Variants in RAX observed in about 807,000 individuals in gnomAD.
The protein encoded by RAX is retina and anterior neural fold homeobox.
In RAX, 11 loss-of-function variants were observed where a neutral mutation model predicts 17.4. The ratio of observed to expected loss-of-function variants is 0.63; its 90% confidence interval spans 0.40 to 1.05. The LOEUF (loss-of-function observed/expected upper bound fraction) is 1.05, where lower values mean the gene tolerates loss of function less well. Among genes scored for constraint, RAX ranks in the 50% least tolerant of loss-of-function variants. RAX has a pLI of 0.00. For synonymous variants in RAX, 276 were observed against 254.7 expected (o/e 1.08, Z -0.80); for missense variants, 527 against 501.1 (o/e 1.05, Z -0.49).
chr18:59,268,607 C>T lies in RAX; in HGVS notation c.*397G>A. The T allele has an allele frequency of 3.3e-6, 1 of 304,688 alleles. No homozygotes were observed. Among genetic ancestry groups the T allele is most frequent in the Non-Finnish European group, 6.1e-6 (1 of 164,622 alleles). 18.9% of individuals were successfully genotyped at this position (304,688 alleles called of 1,614,324 possible). Reference sequence around the variant, plus strand: ...AGTTTCTCAAACTCTATTTTTCCGCCTCCCCTGCTTCCCTGTTATGGTTAT... The same window carrying T: ...AGTTTCTCAAACTCTATTTTTCCGCTTCCCCTGCTTCCCTGTTATGGTTAT... On this transcript the variant is annotated 3_prime_UTR_variant, in exon 3 of 3. Coordinates refer to ENST00000334889, the MANE Select transcript of RAX (RefSeq NM_013435.3). The surrounding 1 kb of genome is among the most constrained non-coding windows in gnomAD (Gnocchi z 4.4).
At position 59,268,900 on chromosome 18, in the gene RAX, G is replaced by T; in HGVS notation, c.*104C>A. ...GCTTGGCGGGTGGCTGCAGGCGACA[G>T]GGAAAGAGGGGCCGAGCTGGGGAGG... On this transcript the variant is annotated 3_prime_UTR_variant, in exon 3 of 3. Transcript: ENST00000334889. This position sits in a 1 kb window ranked among gnomAD's most constrained non-coding sequence, Gnocchi z 4.4. 1 of 1,573,238 alleles carries T rather than the reference G, an allele frequency of 6.4e-7. No individual in the cohort carries two copies. The highest frequency in any genetic ancestry group is 1.3e-5 in the African/African-American group (1 of 74,378).
chr18:59,268,830 C>T lies in RAX; in HGVS notation c.*174G>A. 8.9e-7 allele frequency: 1 copy of T among 1,118,780 alleles called. No individual in the cohort carries two copies. The highest frequency in any genetic ancestry group is 1.3e-6 in the Non-Finnish European group (1 of 791,638). The allele number at this position is 1,118,780 out of a possible 1,614,324, so 69.3% of individuals were successfully genotyped here. Reference sequence around the variant, plus strand: ...GGCCTCTCCTCAGGCCTGAAAGTCGCCCTTCTCCCCGTGCATCGGGAGCAG... The same window carrying T: ...GGCCTCTCCTCAGGCCTGAAAGTCGTCCTTCTCCCCGTGCATCGGGAGCAG... On this transcript the variant is annotated 3_prime_UTR_variant, in exon 3 of 3. Coordinates refer to ENST00000334889, the MANE Select transcript of RAX (RefSeq NM_013435.3). This position sits in a 1 kb window ranked among gnomAD's most constrained non-coding sequence, Gnocchi z 4.4.
At chr18:59,272,669 C>T in intron 1 of RAX, 55 bp from the exon 2 acceptor site, 1 of 1,534,618 alleles carries the variant, frequency 6.5e-7, no homozygotes, top group Non-Finnish European at 8.7e-7. Context: ...ACCCTTGGGC[C>T]GACCCCGCCT....
Position 59,272,964 on chromosome 18 carries a change from G to C in RAX, c.243C>G (p.Ser81=), listed in dbSNP as rs1381495850. The part of the protein sequence containing the change: ...PACPKAPEEG[S]EPSPPPAPAP... Reference sequence around the variant, plus strand: ...CCGGGGCTGGCGGCGGGGAGGGCTCGGAGCCTTCCTCGGGCGCCTTGGGGC... The same window carrying C: ...CCGGGGCTGGCGGCGGGGAGGGCTCCGAGCCTTCCTCGGGCGCCTTGGGGC... Residue 81 remains serine, a synonymous_variant, in exon 1 of 3, where the codon TCC becomes TCG. Transcript: ENST00000334889. 5.9e-6 allele frequency: 9 copies of C among 1,521,196 alleles called. No individual in the cohort carries two copies. Among genetic ancestry groups the C allele is most frequent in the Non-Finnish European group, 7.0e-6 (8 of 1,142,472 alleles). The allele number at this position is 1,521,196 out of a possible 1,614,324, so 94.2% of individuals were successfully genotyped here.
rs1405257565 is a variant in RAX, at chr18:59,268,763, C to G, written c.*241G>C. ...GGCCCGGCAGCCTGTTGCCCTCCAG[C>G]TGCAGGGCTGAGGTCCGCGAAGTGC... On this transcript the variant is annotated 3_prime_UTR_variant, in exon 3 of 3. Coordinates refer to ENST00000334889, the MANE Select transcript of RAX (RefSeq NM_013435.3). The surrounding 1 kb of genome is among the most constrained non-coding windows in gnomAD (Gnocchi z 4.4). 3 of 650,692 alleles carry G rather than the reference C, an allele frequency of 4.6e-6. No homozygotes were observed. The highest frequency in any genetic ancestry group is 3.2e-5 in the Admixed American group (1 of 31,404). 40.3% of individuals were successfully genotyped at this position (650,692 alleles called of 1,614,324 possible). A position where few individuals can be genotyped will look rare whatever the true frequency, so the allele number is the denominator to read the frequency against.
intron 2 of RAX, among the ~76,000 whole-genome samples, chr18:59,270,390 G>GCTT (rs1568097141): frequency 6.6e-6 from 1 of 151,970 alleles, no homozygotes. Context: ...AAGGTTTTTT[G>GCTT]CTTCTTCTTC....
Position 59,272,516 on chromosome 18 carries a change from C to T in RAX, c.388G>A (p.Glu130Lys). ...ATGEAKLSEE[E>K]QPKKKHRRNR... ...CGCCGATGCTTTTTCTTGGGCTGTT[C>T]CTCCTCTGACAGTTTCGCTTCGCCG... The change falls in exon 2 of 3, where the codon GAA becomes AAA. Residue 130 changes from glutamate (E) to lysine (K), a missense_variant. Physicochemically the swap from Glu to Lys is moderately conservative, Grantham distance 56 (BLOSUM62 1). Transcript: ENST00000334889. 1 of 1,614,236 alleles carries T rather than the reference C, an allele frequency of 6.2e-7. No individual in the cohort carries two copies. The highest frequency in any genetic ancestry group is 2.2e-5 in the East Asian group (1 of 44,874).
rs2070311485 is a variant in RAX at position 59,269,212 on chromosome 18, G to T, written c.833C>A (p.Pro278Gln). 5 of 1,530,346 alleles carry T rather than the reference G, an allele frequency of 3.3e-6. No homozygotes were observed. The highest frequency in any genetic ancestry group is 1.4e-5 in the African/African-American group (1 of 71,386). 94.8% of individuals were successfully genotyped at this position (1,530,346 alleles called of 1,614,324 possible). A position where few individuals can be genotyped will look rare whatever the true frequency, so the allele number is the denominator to read the frequency against. The change falls in exon 3 of 3, where the codon CCG becomes CAG. Residue 278 changes from proline (P) to glutamine (Q), a missense_variant. By Grantham distance (76) the Pro-to-Gln change is moderately conservative (BLOSUM62 -1). Transcript: ENST00000334889. The stretch of plus-strand genomic sequence containing the variant: ...GGAGTTCAGGAAGGGCGGAGGCGGC[G>T]GCGGTGGCGTGTAGCTGGCAGGCAG... The part of the protein sequence containing the change: ...QSLPASYTPP[P>Q]PPPPFLNSPP...
chr18:59,270,835 A>C (rs1301853942), intron 2 of RAX, among the ~76,000 whole-genome samples: 1 of 152,224 alleles, frequency 6.6e-6, no homozygotes, highest in Non-Finnish European at 1.5e-5. Flanking sequence ...GTCTCCCTTA[A>C]ATATTAGATA....
chr18:59,272,631 C>T lies in RAX; in HGVS notation c.290-17G>A. On this transcript the variant is annotated splice_polypyrimidine_tract_variant and intron_variant, in intron 1 of 2. Coordinates refer to ENST00000334889, the MANE Select transcript of RAX (RefSeq NM_013435.3). ...GTCGAGGGGCTGGGGCGACGAGGCC[C>T]GGGAGGGTCAGATGCACTCCCCAAA... 6.2e-7 allele frequency: 1 copy of T among 1,604,122 alleles called. No individual in the cohort carries two copies. Among genetic ancestry groups the T allele is most frequent in the South Asian group, 1.1e-5 (1 of 90,898 alleles).
chr18:59,269,137 T>TAGGA lies in RAX; in HGVS notation c.904_907dup (p.Tyr303PhefsTer185). 1 of 1,603,004 alleles carries TAGGA rather than the reference T, an allele frequency of 6.2e-7. No individual in the cohort carries two copies. ...GTCCCCGAAGCCGGGCCCGCACGGG[T>TAGGA]AGGAGGGCGGCGGCGGCGCGAGAGG... On this transcript the variant is annotated frameshift_variant, in exon 3 of 3. Coordinates refer to ENST00000334889, the MANE Select transcript of RAX (RefSeq NM_013435.3). LOFTEE classifies it high-confidence loss of function.
rs756889204 is a variant in RAX, at chr18:59,267,517, T to G, written c.*1487A>C. ...GTTTATTTAGACGAGGAAAGGGGAC[T>G]GGGAGCTTCACTAATTTGCTCAGGA... is the stretch of plus-strand genomic sequence containing the variant. On this transcript the variant is annotated 3_prime_UTR_variant, in exon 3 of 3. Transcript: ENST00000334889. 1 of 152,040 alleles carries G rather than the reference T, an allele frequency of 6.6e-6. No homozygotes were observed. Among genetic ancestry groups the G allele is most frequent in the Non-Finnish European group, 1.5e-5 (1 of 68,024 alleles). The allele number at this position is 152,040 out of a possible 1,614,324, so 9.4% of individuals were successfully genotyped here. A position where few individuals can be genotyped will look rare whatever the true frequency, so the allele number is the denominator to read the frequency against.
chr18:59,273,133 G>T lies in RAX; in HGVS notation c.74C>A (p.Pro25Gln). 6.5e-7 allele frequency: 1 copy of T among 1,534,880 alleles called. No individual in the cohort carries two copies. The highest frequency in any genetic ancestry group is 1.4e-5 in the African/African-American group (1 of 73,084). The change falls in exon 1 of 3, where the codon CCG becomes CAG. Residue 25 changes from proline to glutamine, a missense_variant. Pro to Gln is a moderately conservative substitution (Grantham distance 76, BLOSUM62 -1). Transcript: ENST00000334889. ...FSLAGHLLRSPGGSTSRLHSI... is the reference protein window; with the variant it reads ...FSLAGHLLRSQGGSTSRLHSI... ...GTGAAGTCGCGAGGTGCTCCCGCCC[G>T]GGCTGCGGAGCAGGTGGCCGGCAAG... is the stretch of plus-strand genomic sequence containing the variant.
chr18:59,269,738 CTTTTTTT>C (rs398033067), intron 2 of RAX, among the ~76,000 whole-genome samples: 1 of 64,094 alleles, frequency 1.6e-5, no homozygotes, highest in Non-Finnish European at 3.3e-5. Context: ...CTCTCTCTCT[CTTTTTTT>C]TTTTTTTTTG....
At position 59,273,274 on chromosome 18, in the gene RAX, G is replaced by A; in HGVS notation, c.-68C>T. The A allele has an allele frequency of 6.9e-7, 1 of 1,455,666 alleles. No homozygotes were observed. Among genetic ancestry groups the A allele is most frequent in the African/African-American group, 1.4e-5 (1 of 69,592 alleles). The allele number at this position is 1,455,666 out of a possible 1,614,324, so 90.2% of individuals were successfully genotyped here. ...GAGAGGCTCGAAGCCGGGTCTTCCC[G>A]AGTGCGGCGGTGCAACCCGACGGGT... On this transcript the variant is annotated 5_prime_UTR_variant, in exon 1 of 3. Coordinates refer to ENST00000334889, the MANE Select transcript of RAX (RefSeq NM_013435.3).
In RAX at chr18:59,272,418, G is replaced by A. The variant is rs2070345170; in HGVS notation, c.486C>T (p.Asp162=). Residue 162 remains aspartate (D), a synonymous_variant, in exon 2 of 3, where the codon GAC becomes GAT. Coordinates refer to ENST00000334889, the MANE Select transcript of RAX (RefSeq NM_013435.3). ...ERAFEKSHYP[D]VYSREELAGK... ...CGGCCAGCTCCTCGCGGCTGTACAC[G>A]TCCGGGTAGTGGGACTTCTCGAACG... 1 of 1,614,146 alleles carries A rather than the reference G, an allele frequency of 6.2e-7. No homozygotes were observed. The highest frequency in any genetic ancestry group is 1.3e-5 in the African/African-American group (1 of 74,950).
At chr18:59,272,180 G>A (rs1476331308) in intron 2 of RAX, among the ~76,000 whole-genome samples, 181 bp downstream of exon 2, 1 of 152,234 alleles carries the variant, frequency 6.6e-6, no homozygotes, top group Non-Finnish European at 1.5e-5. Flanking sequence ...GGAACAGACT[G>A]CTTGAAGGGC....
intron 2 of RAX, among the ~76,000 whole-genome samples, chr18:59,271,070 A>G (rs2070334550): frequency 6.6e-6 from 1 of 152,184 alleles, no homozygotes; most frequent in Non-Finnish European, 1.5e-5. Flanking sequence ...ATCTGATTAC[A>G]TCATAGTCAT....
chr18:59,267,640 C>G lies in RAX; in HGVS notation c.*1364G>C, dbSNP rs867143539. The G allele has an allele frequency of 1.4e-5, 2 of 147,688 alleles. No individual in the cohort carries two copies. Among genetic ancestry groups the G allele is most frequent in the Admixed American group, 6.7e-5 (1 of 14,876 alleles). 9.1% of individuals were successfully genotyped at this position (147,688 alleles called of 1,614,324 possible). A position where few individuals can be genotyped will look rare whatever the true frequency, so the allele number is the denominator to read the frequency against. On this transcript the variant is annotated 3_prime_UTR_variant, in exon 3 of 3. Transcript: ENST00000334889. The stretch of plus-strand genomic sequence containing the variant: ...GGGTTGTGGGGTGGACGCCCCCCCC[C>G]CCCCCGTGCCAGGACCTGTTGGCGG...
Sources: gnomAD v4.1 joint callset for allele counts (sites outside exome capture counted in the v4.1 genomes callset) on GRCh38, gnomAD v4.1.1 for gene constraint, Gnocchi (gnomAD v3.1) non-coding constraint, MANE v1.5 for transcripts, NCBI Gene and HGNC (gene_info 2026-07-23, HGNC 2026-07-21) for gene names.